Variants in ARAP2 observed in about 807,000 individuals in gnomAD.
ARAP2 encodes ArfGAP with RhoGAP domain, ankyrin repeat and PH domain 2.
A neutral mutation model predicts 194.5 loss-of-function variants in ARAP2; 148 were observed. That is an observed-to-expected ratio of 0.76 (90% confidence interval 0.67 to 0.87). ARAP2 has a LOEUF of 0.87. ARAP2 is among the 40% of genes least tolerant of loss of function. The pLI is 0.00. For synonymous variants in ARAP2, 695 were observed against 683.5 expected (o/e 1.02, Z -0.26); for missense variants, 2,128 against 1,989.7 (o/e 1.07, Z -1.32).
chr4:36,133,096 C>T, intron 20 of ARAP2, 130 bp downstream of exon 20: 1 of 837,068 alleles, frequency 1.2e-6, no homozygotes, highest in Non-Finnish European at 1.8e-6. Context: ...AGTAAATCTG[C>T]CTTTATTTTT....
intron 5 of ARAP2, among the ~76,000 whole-genome samples, chr4:36,034,345 C>A (rs564386518): frequency 6.6e-6 from 1 of 152,130 alleles, no homozygotes; most frequent in Non-Finnish European, 1.5e-5. Flanking sequence ...ATTCTCATTG[C>A]AGAGATCTCC....
intron 5 of ARAP2, among the ~76,000 whole-genome samples, chr4:36,037,760 C>A (rs1056418479): frequency 1.3e-5 from 2 of 152,046 alleles, no homozygotes; most frequent in East Asian, 1.9e-4. Flanking sequence ...CAAAAAAAAT[C>A]TTTTTAAAAT....
chr4:36,181,042 T>C (rs1347332422), intron 8 of ARAP2, among the ~76,000 whole-genome samples: 1 of 152,214 alleles, frequency 6.6e-6, no homozygotes, highest in African/African-American at 2.4e-5. Context: ...AATAATGATT[T>C]CCCATTGGAC....
intron 2 of ARAP2, among the ~76,000 whole-genome samples, chr4:36,056,086 A>G (rs1157184015): frequency 6.6e-6 from 1 of 152,236 alleles, no homozygotes; most frequent in East Asian, 1.9e-4. Flanking sequence ...GAAACATGGG[A>G]TTAATACAAA....
intron 5 of ARAP2, among the ~76,000 whole-genome samples, chr4:36,211,891 C>G (rs1746836833): frequency 6.6e-6 from 1 of 151,864 alleles, no homozygotes; most frequent in Admixed American, 6.6e-5. Flanking sequence ...GCCAGTATGC[C>G]AAGTTCCAAT....
intron 5 of ARAP2, among the ~76,000 whole-genome samples, chr4:36,031,748 A>G (rs1719001029): frequency 6.6e-6 from 1 of 151,320 alleles, no homozygotes; most frequent in African/African-American, 2.4e-5. Flanking sequence ...GGCTCACTGC[A>G]ACCTCTGCCT....
chr4:36,227,301 GTTTAA>G (rs963889963), intron 2 of ARAP2, among the ~76,000 whole-genome samples: 6 of 152,090 alleles, frequency 3.9e-5, no homozygotes, highest in Admixed American at 1.3e-4. Context: ...CCAAACTAGT[GTTTAA>G]TAGATGACAC....
At chr4:36,113,717 T>C (rs1426296505) in intron 26 of ARAP2, among the ~76,000 whole-genome samples, 1 of 151,918 alleles carries the variant, frequency 6.6e-6, no homozygotes, top group Admixed American at 6.6e-5. Flanking sequence ...CCTAGGCATC[T>C]TGGAGATGAA....
chr4:36,129,431 C>A (rs983804840), intron 20 of ARAP2, among the ~76,000 whole-genome samples: 4 of 151,866 alleles, frequency 2.6e-5, no homozygotes, highest in Admixed American at 2.0e-4. Context: ...TGCTTCTCTG[C>A]CCAATCCCCA....
At chr4:36,092,721 A>T (rs1350319998) in intron 27 of ARAP2, among the ~76,000 whole-genome samples, 1 of 152,182 alleles carries the variant, frequency 6.6e-6, no homozygotes, top group East Asian at 1.9e-4. Flanking sequence ...TGGTAATTTT[A>T]CCTGTTTCTT....
At position 36,133,403 on chromosome 4, in the gene ARAP2, A is replaced by G. The variant is rs190169696; in HGVS notation, c.3264-14T>C. Reference sequence around the variant, plus strand: ...ATGTATAATGTTCTGTAAAGTTTAAAAAGCATTTCAAATTATAATTTTGCT... The same window carrying G: ...ATGTATAATGTTCTGTAAAGTTTAAGAAGCATTTCAAATTATAATTTTGCT... On this transcript the variant is annotated splice_polypyrimidine_tract_variant and intron_variant, in intron 19 of 32. Transcript: ENST00000303965. 6.3e-7 allele frequency: 1 copy of G among 1,593,432 alleles called. No homozygotes were observed. Among genetic ancestry groups the G allele is most frequent in the East Asian group, 2.3e-5 (1 of 44,444 alleles).
intron 1 of ARAP2, among the ~76,000 whole-genome samples, chr4:36,233,775 T>G (rs2109354922): frequency 6.6e-6 from 1 of 152,354 alleles, no homozygotes; most frequent in South Asian, 2.1e-4. Context: ...AAACATTCAC[T>G]TCTGTCACTA....
intron 19 of ARAP2, among the ~76,000 whole-genome samples, chr4:36,133,788 T>C (rs1726008416): frequency 6.6e-6 from 1 of 151,806 alleles, no homozygotes; most frequent in Non-Finnish European, 1.5e-5. Context: ...TAATTCTTTC[T>C]GGATTTTCCT....
downstream of ARAP2, among the ~76,000 whole-genome samples, chr4:36,064,338 T>C (rs1173729972): frequency 6.6e-6 from 1 of 152,046 alleles, no homozygotes; most frequent in African/African-American, 2.4e-5. Flanking sequence ...TACCACCTCC[T>C]ATTCCCAGCC....
chr4:36,210,543 G>A lies in ARAP2; in HGVS notation c.1334C>T (p.Ser445Phe). 1 of 1,613,840 alleles carries A rather than the reference G, an allele frequency of 6.2e-7. No individual in the cohort carries two copies. Among genetic ancestry groups the A allele is most frequent in the South Asian group, 1.1e-5 (1 of 91,068 alleles). The change falls in exon 6 of 33, where the codon TCC becomes TTC. Residue 445 changes from serine to phenylalanine, a missense_variant. By Grantham distance (155) the Ser-to-Phe change is radical. Coordinates refer to ENST00000303965, the MANE Select transcript of ARAP2 (RefSeq NM_015230.4). ...SRTQKALILD[S>F]VNRHSYPLSS... Reference sequence around the variant, plus strand: ...TAACGGATAACTGTGCCTATTAACGGAGTCCAAAATCAAGGCTTTTTGAGT... The same window carrying A: ...TAACGGATAACTGTGCCTATTAACGAAGTCCAAAATCAAGGCTTTTTGAGT...
At chr4:36,036,216 G>C (rs551586425) in intron 5 of ARAP2, among the ~76,000 whole-genome samples, 2 of 151,952 alleles carry the variant, frequency 1.3e-5, no homozygotes, top group Non-Finnish European at 2.9e-5. Context: ...TTCCCTACAG[G>C]TATTGATATT....
At chr4:36,211,315 G>T (rs2109272250) in intron 5 of ARAP2, among the ~76,000 whole-genome samples, 1 of 152,222 alleles carries the variant, frequency 6.6e-6, no homozygotes, top group South Asian at 2.1e-4. Context: ...AAGCAAGAAA[G>T]GGTCAGTGTA....
At chr4:36,047,964 A>C (rs1214756782) in intron 3 of ARAP2, among the ~76,000 whole-genome samples, 1 of 152,164 alleles carries the variant, frequency 6.6e-6, no homozygotes, top group Non-Finnish European at 1.5e-5. Flanking sequence ...TTTTATTCAG[A>C]ATATATCTGA....
rs538956732 is a variant in ARAP2, at chr4:36,146,840, C to A, written c.3263+456G>T. ...TTTACTCATCATGATATCACCAATA[C>A]CTTTAAGAGTCCCTGATGCACAGTA... On this transcript the variant is annotated intron_variant, in intron 19 of 32. Coordinates refer to ENST00000303965, the MANE Select transcript of ARAP2 (RefSeq NM_015230.4). Among the ~76,000 whole-genome samples the A allele has an allele frequency of 2.0e-5, 3 of 152,094 alleles. No individual in the cohort carries two copies. In the South Asian group the frequency reaches 6.2e-4, roughly 32 times the overall value.
Sources: allele counts gnomAD v4.1 joint callset (sites outside exome capture counted in the v4.1 genomes callset), GRCh38; gene constraint gnomAD v4.1.1; transcripts MANE v1.5; gene names NCBI Gene and HGNC (gene_info 2026-07-23, HGNC 2026-07-21).